The following CCNY variants were observed in gnomAD, a reference collection of about 807,000 sequenced individuals.
CCNY encodes the protein cyclin-Y.
A neutral mutation model predicts 42.8 loss-of-function variants in CCNY; 19 were observed. The ratio of observed to expected loss-of-function variants is 0.44; its 90% CI spans 0.31 to 0.65. The LOEUF (loss-of-function observed/expected upper bound fraction) is 0.65, where lower values mean the gene tolerates loss of function less well. Among genes scored for constraint, CCNY ranks in the 30% least tolerant of loss-of-function variants. CCNY has a pLI of 0.07. For missense variants in CCNY, 370 were observed against 437.3 expected (o/e 0.85, Z 1.37); for synonymous variants, 165 against 162.7 (o/e 1.01, Z -0.11).
chr10:35,546,841 A>G (rs1245055398), intron 7 of CCNY, among the ~76,000 whole-genome samples: 2 of 152,232 alleles, frequency 1.3e-5, no homozygotes, highest in Admixed American at 6.5e-5. Context: ...GTTAAAAGTC[A>G]GAAGAAAACA....
chr10:35,443,744 G>A (rs565251434), intron 1 of CCNY, among the ~76,000 whole-genome samples: 76 of 152,228 alleles, frequency 5.0e-4, no homozygotes, highest in African/African-American at 1.8e-3. Flanking sequence ...ATTTCCCCTG[G>A]CATACCTGTA....
At chr10:35,322,736 T>C (rs1181534486) in intron 3 of CCNY, among the ~76,000 whole-genome samples, 1 of 152,184 alleles carries the variant, frequency 6.6e-6, no homozygotes, top group Non-Finnish European at 1.5e-5. Flanking sequence ...CACAAAAATA[T>C]GTCAACATCA....
At chr10:35,322,977 A>G (rs983895878) in intron 3 of CCNY, among the ~76,000 whole-genome samples, 1 of 152,158 alleles carries the variant, frequency 6.6e-6, no homozygotes, top group Admixed American at 6.5e-5. Flanking sequence ...CTCAGGCTGG[A>G]GTACAGTGGT....
At chr10:35,441,909 A>C (rs1207715003) in intron 1 of CCNY, among the ~76,000 whole-genome samples, 7 of 152,266 alleles carry the variant, frequency 4.6e-5, no homozygotes, top group Admixed American at 4.6e-4. Context: ...TCTGGAAAAC[A>C]AATTTGGCTG....
chr10:35,387,139 A>T (rs1315230140), intron 1 of CCNY, among the ~76,000 whole-genome samples: 1 of 152,216 alleles, frequency 6.6e-6, no homozygotes, highest in Non-Finnish European at 1.5e-5. Context: ...AATGAGACTG[A>T]CTTAAAAAAT....
At chr10:35,326,679 A>C (rs186115151) in intron 3 of CCNY, among the ~76,000 whole-genome samples, 1 of 152,130 alleles carries the variant, frequency 6.6e-6, no homozygotes, top group Non-Finnish European at 1.5e-5. Context: ...TGAGCCTAGG[A>C]GTTTGAGACC....
At position 35,336,739 on chromosome 10, in the gene CCNY, C is replaced by CCGCGGCGGGGTGAGGTAGG. The variant is rs1235473892; in HGVS notation, c.-306_-288dup. ...GCCTGCGCGGCGCCGCCCGCCATGG[C>CCGCGGCGGGGTGAGGTAGG]CGCGGCGGGGTGAGGTAGGCGCGGC... is the stretch of plus-strand genomic sequence containing the variant. On this transcript the variant is annotated 5_prime_UTR_variant, in exon 1 of 10. Coordinates refer to ENST00000374704, the MANE Select transcript of CCNY (RefSeq NM_145012.6). 1 of 147,230 alleles carries CCGCGGCGGGGTGAGGTAGG rather than the reference C, an allele frequency of 6.8e-6. No homozygotes were observed. Among genetic ancestry groups the CCGCGGCGGGGTGAGGTAGG allele is most frequent in the African/African-American group, 2.4e-5 (1 of 40,918 alleles). The allele number at this position is 147,230 out of a possible 1,614,324, so 9.1% of individuals were successfully genotyped here.
At chr10:35,479,525 A>G (rs1381361804) in intron 1 of CCNY, among the ~76,000 whole-genome samples, 5 of 138,256 alleles carry the variant, frequency 3.6e-5, no homozygotes, top group African/African-American at 8.3e-5. Context: ...CAAACACCGC[A>G]TATTCTCACT....
At chr10:35,476,640 G>C (rs1839517259) in intron 1 of CCNY, among the ~76,000 whole-genome samples, 1 of 151,062 alleles carries the variant, frequency 6.6e-6, no homozygotes, top group African/African-American at 2.4e-5. Context: ...AAAGCAGTGT[G>C]TAGAGGGAAA....
chr10:35,271,602 T>G (rs1835170154), intron 3 of CCNY, among the ~76,000 whole-genome samples: 1 of 152,180 alleles, frequency 6.6e-6, no homozygotes, highest in East Asian at 1.9e-4. Context: ...CAGGCTAAAG[T>G]GCAGCCTGAC....
At chr10:35,309,021 T>C (rs568624143) in intron 3 of CCNY, among the ~76,000 whole-genome samples, 46 of 152,212 alleles carry the variant, frequency 3.0e-4, no homozygotes, top group African/African-American at 1.1e-3. Context: ...TTTACACACA[T>C]TAAGCTTAGG....
chr10:35,415,281 G>T (rs571262903), intron 1 of CCNY, among the ~76,000 whole-genome samples: 1 of 152,168 alleles, frequency 6.6e-6, no homozygotes, highest in East Asian at 1.9e-4. Context: ...GCCCTGTCCT[G>T]AGGGCAGGAG....
chr10:35,438,046 C>T (rs1564410900), intron 1 of CCNY, among the ~76,000 whole-genome samples: 1 of 152,220 alleles, frequency 6.6e-6, no homozygotes, highest in East Asian at 1.9e-4. Flanking sequence ...GTGTCTCTCT[C>T]TCGAGAGTCT....
At chr10:35,453,110 A>C (rs1052061836) in intron 1 of CCNY, among the ~76,000 whole-genome samples, 1 of 152,134 alleles carries the variant, frequency 6.6e-6, no homozygotes, top group Non-Finnish European at 1.5e-5. Context: ...CGTCCAACTA[A>C]TTTTTTCATA....
Position 35,505,053 on chromosome 10 carries a change from G to T in CCNY, c.264+3518G>T, listed in dbSNP as rs1840186969. Among the ~76,000 whole-genome samples, 5 of 148,170 alleles carry T rather than the reference G, an allele frequency of 3.4e-5. No individual in the cohort carries two copies. The South Asian group carries it at 6.4e-4, about 19-fold the overall frequency. On this transcript the variant is annotated intron_variant, in intron 3 of 9. Coordinates refer to ENST00000374704, the MANE Select transcript of CCNY (RefSeq NM_145012.6). ...TTGACTTTGCTTTTTTTTTTTTAAG[G>T]TTAGCTGTTTTTATGAATCTTTTAA...
intron 4 of CCNY, among the ~76,000 whole-genome samples, chr10:35,519,499 C>T (rs945042435): frequency 1.1e-4 from 17 of 152,158 alleles, no homozygotes; most frequent in African/African-American, 3.9e-4. Context: ...TAAACCTCCC[C>T]AGGAGAGTCT....
At chr10:35,298,442 A>C (rs1835496419) in intron 3 of CCNY, among the ~76,000 whole-genome samples, 1 of 152,140 alleles carries the variant, frequency 6.6e-6, no homozygotes, top group Admixed American at 6.5e-5. Context: ...GCCTTTCAGC[A>C]TGTTTCAGGG....
intron 1 of CCNY, among the ~76,000 whole-genome samples, chr10:35,417,074 T>TA (rs1379551931): frequency 2.6e-5 from 4 of 152,214 alleles, no homozygotes; most frequent in Admixed American, 2.6e-4. Context: ...GAGGCATACT[T>TA]ACTGCCTTAC....
intron 3 of CCNY, among the ~76,000 whole-genome samples, chr10:35,514,097 A>C (rs971825441): frequency 6.7e-6 from 1 of 150,124 alleles, no homozygotes; most frequent in African/African-American, 2.5e-5. Flanking sequence ...AAAAAAAAAA[A>C]CAGAGACAAC....
Sources: allele counts gnomAD v4.1 joint callset (sites outside exome capture counted in the v4.1 genomes callset), GRCh38; gene constraint gnomAD v4.1.1; transcripts MANE v1.5; gene names NCBI Gene and HGNC (gene_info 2026-07-23, HGNC 2026-07-21).